PIK3R3: variants seen among roughly 807,000 people sequenced by gnomAD.
The protein encoded by PIK3R3 is phosphatidylinositol 3-kinase regulatory subunit gamma.
A neutral mutation model predicts 62.9 loss-of-function variants in PIK3R3; 64 were observed. That is an observed-to-expected ratio of 1.02 (90% CI 0.83 to 1.25). The LOEUF is 1.25. Among genes scored for constraint, PIK3R3 ranks in the 50% most tolerant of loss-of-function variants. The probability of loss-of-function intolerance (pLI) is 0.00; values close to 1 mark genes in which losing one functional copy is unlikely to be tolerated. For synonymous variants in PIK3R3, 165 were observed against 189.0 expected, an observed-to-expected ratio of 0.87 and a Z score of 1.04; for missense variants, 614 against 561.6, an observed-to-expected ratio of 1.09 and a Z score of -0.94.
chr1:46,101,585 G>A (rs1461143398), intron 1 of PIK3R3, among the ~76,000 whole-genome samples: 1 of 152,144 alleles, frequency 6.6e-6, no homozygotes, highest in Non-Finnish European at 1.5e-5. Flanking sequence ...TGGTCTATAT[G>A]TACAATGCGG....
Position 46,040,290 on chromosome 1 carries a change from CA to C in PIK3R3, c.*3382del. 1 of 232,586 alleles carries C rather than the reference CA, an allele frequency of 4.3e-6. No individual in the cohort carries two copies. The highest frequency in any genetic ancestry group is 8.5e-6 in the Non-Finnish European group (1 of 117,342). 14.4% of individuals were successfully genotyped at this position (232,586 alleles called of 1,614,324 possible). On this transcript the variant is annotated 3_prime_UTR_variant, in exon 10 of 10. Transcript: ENST00000262741. ...ACAATTGCACAGCAATGTCTGAACA[CA>C]TCTGGTGACAAGAACAATTTGTAAA...
chr1:46,061,213 T>C (rs1301598937), intron 6 of PIK3R3, among the ~76,000 whole-genome samples: 4 of 152,222 alleles, frequency 2.6e-5, no homozygotes, highest in African/African-American at 9.6e-5. Flanking sequence ...AAAAACACCA[T>C]CTTCCAGTCT....
At chr1:46,110,152 C>A (rs982992999) in intron 1 of PIK3R3, among the ~76,000 whole-genome samples, 1 of 151,914 alleles carries the variant, frequency 6.6e-6, no homozygotes, top group East Asian at 1.9e-4. Context: ...CACTCTGTTG[C>A]CCAAGCTGGA....
chr1:46,090,766 G>T (rs140206206), intron 1 of PIK3R3, among the ~76,000 whole-genome samples: 1 of 152,128 alleles, frequency 6.6e-6, no homozygotes, highest in Non-Finnish European at 1.5e-5. Flanking sequence ...AACATCTATT[G>T]TATTTATATA....
the PIK3R3 span, among the ~76,000 whole-genome samples, chr1:46,159,170 C>G: frequency 6.6e-6 from 1 of 152,066 alleles, no homozygotes; most frequent in Non-Finnish European, 1.5e-5. Context: ...CCTACTTTGT[C>G]TCCCCGTTAC....
At position 46,041,631 on chromosome 1, in the gene PIK3R3, C is replaced by A. The variant is rs1251402897; in HGVS notation, c.*2042G>T. 3 of 184,518 alleles carry A rather than the reference C, an allele frequency of 1.6e-5. No homozygotes were observed. Among genetic ancestry groups the A allele is most frequent in the Non-Finnish European group, 3.5e-5 (3 of 86,654 alleles). 11.4% of individuals were successfully genotyped at this position (184,518 alleles called of 1,614,324 possible). A position where few individuals can be genotyped will look rare whatever the true frequency, so the allele number is the denominator to read the frequency against. On this transcript the variant is annotated 3_prime_UTR_variant, in exon 10 of 10. Transcript: ENST00000262741. The stretch of plus-strand genomic sequence containing the variant: ...AATCTTGAGCATCCACCTGCTTCAG[C>A]AGGTTCAACACCAGGTGCAAAGCCA...
intron 1 of PIK3R3, among the ~76,000 whole-genome samples, chr1:46,122,623 A>T (rs995296288): frequency 6.6e-6 from 1 of 151,994 alleles, no homozygotes; most frequent in Non-Finnish European, 1.5e-5. Flanking sequence ...CCACCTCGGC[A>T]CCTCAAAGTG....
intron 1 of PIK3R3, among the ~76,000 whole-genome samples, chr1:46,122,115 G>A (rs1206715189): frequency 2.0e-5 from 3 of 151,500 alleles, no homozygotes; most frequent in Non-Finnish European, 4.4e-5. Flanking sequence ...ATAAATAAAA[G>A]AAAAAGAAAA....
At chr1:46,097,359 C>T (rs1393294616) in intron 1 of PIK3R3, among the ~76,000 whole-genome samples, 1 of 151,996 alleles carries the variant, frequency 6.6e-6, no homozygotes, top group Non-Finnish European at 1.5e-5. Flanking sequence ...GCCTGGTCAA[C>T]ATTGTGAAAC....
chr1:46,163,588 G>A, the PIK3R3 span, among the ~76,000 whole-genome samples: 2 of 152,136 alleles, frequency 1.3e-5, no homozygotes, highest in Non-Finnish European at 2.9e-5. Flanking sequence ...ATGCTTCTAG[G>A]ACAACACAAA....
At chr1:46,058,876 T>C (rs1019269732) in intron 6 of PIK3R3, among the ~76,000 whole-genome samples, 3 of 152,198 alleles carry the variant, frequency 2.0e-5, no homozygotes, top group South Asian at 4.1e-4. Context: ...TGGGAATGCA[T>C]GATTGGTTCT....
At position 46,045,898 on chromosome 1, in the gene PIK3R3, T is replaced by C. The variant is rs372138093; in HGVS notation, c.1187+20A>G. The C allele has an allele frequency of 1.3e-6, 2 of 1,596,750 alleles. No individual in the cohort carries two copies. Among genetic ancestry groups the C allele is most frequent in the Admixed American group, 1.7e-5 (1 of 58,792 alleles). ...TGATGCAAAAGATTTCAAAAGGTTA[T>C]ATCCCCAGAGAAGACTTACACCACA... On this transcript the variant is annotated intron_variant, in intron 9 of 9. Transcript: ENST00000262741.
chr1:46,081,775 G>C (rs1196682361), intron 1 of PIK3R3, among the ~76,000 whole-genome samples: 2 of 152,026 alleles, frequency 1.3e-5, no homozygotes, highest in South Asian at 2.1e-4. Context: ...GCTGATTCCA[G>C]GGACAGAATA....
intron 1 of PIK3R3, chr1:46,105,174 A>C (rs1456400043): frequency 3.2e-6 from 2 of 619,084 alleles, no homozygotes; most frequent in African/African-American, 3.7e-5. Flanking sequence ...AGAGATCAGT[A>C]ATCATCCCAG....
At chr1:46,053,907 G>C (rs548764838) in intron 7 of PIK3R3, among the ~76,000 whole-genome samples, 3 of 152,188 alleles carry the variant, frequency 2.0e-5, no homozygotes, top group South Asian at 2.1e-4. Flanking sequence ...CCAGAACCAC[G>C]TGAGCATTCC....
At position 46,040,238 on chromosome 1, in the gene PIK3R3, C is replaced by T. The variant is rs572395849; in HGVS notation, c.*3435G>A. 6 of 232,848 alleles carry T rather than the reference C, an allele frequency of 2.6e-5. No individual in the cohort carries two copies. Among genetic ancestry groups the T allele is most frequent in the South Asian group, 1.8e-4 (1 of 5,524 alleles). 14.4% of individuals were successfully genotyped at this position (232,848 alleles called of 1,614,324 possible). A position where few individuals can be genotyped will look rare whatever the true frequency, so the allele number is the denominator to read the frequency against. Reference sequence around the variant, plus strand: ...AAACAAAAAGACCAATAAGTATCTCCTCTCGCCTTTCCCCCTACCCTCCCC... The same window carrying T: ...AAACAAAAAGACCAATAAGTATCTCTTCTCGCCTTTCCCCCTACCCTCCCC... On this transcript the variant is annotated 3_prime_UTR_variant, in exon 10 of 10. Coordinates refer to ENST00000262741, the MANE Select transcript of PIK3R3 (RefSeq NM_003629.4).
chr1:46,096,817 G>A (rs949348676), intron 1 of PIK3R3, among the ~76,000 whole-genome samples: 1 of 150,870 alleles, frequency 6.6e-6, no homozygotes, highest in African/African-American at 2.4e-5. Context: ...CTCCATCCTG[G>A]GCAACAGAGC....
the PIK3R3 span, among the ~76,000 whole-genome samples, chr1:46,145,117 C>A: frequency 6.8e-6 from 1 of 147,870 alleles, no homozygotes; most frequent in South Asian, 2.2e-4. Context: ...GAATGAAACT[C>A]CACCTCAAAA....
At chr1:46,084,072 T>C (rs147579323) in intron 1 of PIK3R3, among the ~76,000 whole-genome samples, 439 of 152,262 alleles carry the variant, frequency 2.9e-3, no homozygotes, top group African/African-American at 0.01. Flanking sequence ...ATCCATACAA[T>C]AGATTATTCA....
Sources: allele counts gnomAD v4.1 joint callset (sites outside exome capture counted in the v4.1 genomes callset), GRCh38; gene constraint gnomAD v4.1.1; transcripts MANE v1.5; gene names NCBI Gene and HGNC (gene_info 2026-07-23, HGNC 2026-07-21).